The following INPP4B variants were observed in gnomAD, a reference collection of about 807,000 sequenced individuals.
INPP4B encodes the protein inositol polyphosphate-4-phosphatase type II B.
INPP4B carries 55 observed loss-of-function variants against 122.5 expected under a neutral mutation model. The observed-to-expected ratio is 0.45, with a 90% CI of 0.36 to 0.56. The LOEUF (loss-of-function observed/expected upper bound fraction) is 0.56, where lower values mean the gene tolerates loss of function less well. Ranked by LOEUF, INPP4B falls within the 20% of genes least tolerant of loss-of-function variation. INPP4B has a pLI of 0.00. For missense variants in INPP4B, 1,000 were observed against 1,097.7 expected (o/e 0.91, Z 1.26); for synonymous variants, 403 against 388.7 (o/e 1.04, Z -0.43).
At chr4:142,270,607 T>A in intron 10 of INPP4B, 56 bp downstream of exon 10, 1 of 1,211,700 alleles carries the variant, frequency 8.3e-7, no homozygotes, top group Non-Finnish European at 1.2e-6. Context: ...GACAGACATC[T>A]GGCAAAGCTG....
intron 17 of INPP4B, 54 bp from the exon 18 acceptor site, chr4:142,146,050 C>T (rs1274700110): frequency 1.3e-6 from 2 of 1,563,188 alleles, no homozygotes; most frequent in African/African-American, 1.4e-5. Flanking sequence ...CAAGATAAGG[C>T]AAAGTCGGAT....
At chr4:142,691,695 A>C (rs1760209202) in intron 2 of INPP4B, among the ~76,000 whole-genome samples, 1 of 152,088 alleles carries the variant, frequency 6.6e-6, no homozygotes, top group Admixed American at 6.6e-5. Flanking sequence ...GGAAACAGGG[A>C]GTGTGACATG....
intron 3 of INPP4B, among the ~76,000 whole-genome samples, chr4:142,447,941 G>A (rs1813265274): frequency 6.6e-6 from 1 of 152,010 alleles, no homozygotes; most frequent in Non-Finnish European, 1.5e-5. Flanking sequence ...AGAAGTGGAA[G>A]GTGAAAAAGA....
rs149950015 is a variant in INPP4B at position 142,340,096 on chromosome 4, C to A, written c.373-25334G>T. Among the ~76,000 whole-genome samples, 888 of 152,086 alleles carry A rather than the reference C, an allele frequency of 5.8e-3. 9 individuals are homozygous for A. The highest frequency in any genetic ancestry group is 0.02 in the African/African-American group (833 of 41,488). ...TCTCCAAACTGGGGTATATTTAATA[C>A]CACTAAAAGCACATCGCATGGAGAG... On this transcript the variant is annotated intron_variant, in intron 7 of 25. Transcript: ENST00000262992.
intron 14 of INPP4B, among the ~76,000 whole-genome samples, chr4:142,196,137 G>A (rs1414276724): frequency 6.6e-6 from 1 of 152,160 alleles, no homozygotes; most frequent in Non-Finnish European, 1.5e-5. Flanking sequence ...TCTAAATGAA[G>A]GAGTTTGTGT....
rs369605968 is a variant in INPP4B at position 142,208,507 on chromosome 4, G to A, written c.990C>T (p.Ser330=). The A allele has an allele frequency of 2.5e-6, 4 of 1,597,152 alleles. No individual in the cohort carries two copies. In the African/African-American group the frequency reaches 5.4e-5, roughly 22 times the overall value. ...ATTCTAATGTTTTCTCTCCTTTGCT[G>A]CTGCTTGATTTGAAAGAGGACCCTG... is the stretch of plus-strand genomic sequence containing the variant. The part of the protein sequence containing the change: ...KETGSSFKSS[S]SKGEKTLEFV... Residue 330 remains serine, a synonymous_variant, in exon 14 of 26, where the codon AGC becomes AGT. Transcript: ENST00000262992.
chr4:142,258,665 C>T (rs977438871), intron 11 of INPP4B, among the ~76,000 whole-genome samples: 6 of 152,134 alleles, frequency 3.9e-5, no homozygotes, highest in African/African-American at 1.2e-4. Flanking sequence ...TACCATCTCA[C>T]ACCAGTTAGA....
intron 2 of INPP4B, among the ~76,000 whole-genome samples, chr4:142,644,639 G>A (rs927296817): frequency 3.4e-5 from 5 of 149,204 alleles, no homozygotes; most frequent in African/African-American, 1.2e-4. Context: ...GCTCATGCCT[G>A]TAATCCCAGC....
chr4:142,665,627 A>C (rs914273868), intron 2 of INPP4B, among the ~76,000 whole-genome samples: 4 of 152,188 alleles, frequency 2.6e-5, no homozygotes, highest in Non-Finnish European at 4.4e-5. Context: ...AAAAAATGGA[A>C]ATAATGTAGT....
chr4:142,507,421 T>C (rs1056373093), intron 2 of INPP4B, among the ~76,000 whole-genome samples: 1 of 152,160 alleles, frequency 6.6e-6, no homozygotes, highest in African/African-American at 2.4e-5. Context: ...AGGGGACTAC[T>C]ATTTCTGCTT....
Position 142,237,952 on chromosome 4 carries a change from G to C in INPP4B, c.748C>G (p.Arg250Gly), listed in dbSNP as rs763155133. 4.5e-6 allele frequency: 7 copies of C among 1,571,866 alleles called. No individual in the cohort carries two copies. In the South Asian group the frequency reaches 6.8e-5, roughly 15 times the overall value. Residue 250 changes from arginine to glycine, a missense_variant, in exon 12 of 26, where the codon CGA (arginine) becomes GGA (glycine). Arg to Gly is a moderately radical substitution (Grantham distance 125). Transcript: ENST00000262992. ...CTCTCTGACATCTGCTCTCGAATTC[G>C]CATCCACTTATTGTCAGATGTGGGA... ...RFPTSDNKWM[R>G]IREQMSESIL...
At chr4:142,250,766 T>C (rs1346157787) in intron 11 of INPP4B, among the ~76,000 whole-genome samples, 1 of 152,144 alleles carries the variant, frequency 6.6e-6, no homozygotes, top group Non-Finnish European at 1.5e-5. Flanking sequence ...GTGGCAAATA[T>C]CCTAGGTTCT....
At chr4:142,191,482 G>A (rs1251862565) in intron 15 of INPP4B, among the ~76,000 whole-genome samples, 1 of 152,180 alleles carries the variant, frequency 6.6e-6, no homozygotes, top group Non-Finnish European at 1.5e-5. Flanking sequence ...GCAAAACCCT[G>A]TCTTCCACTC....
chr4:142,426,642 T>C (rs1340544447), intron 5 of INPP4B: 2 of 152,002 alleles, frequency 1.3e-5, no homozygotes, highest in South Asian at 2.1e-4. Flanking sequence ...CCTTACTTAT[T>C]TGAATAAGTA....
At chr4:142,784,408 T>TAAATAAATAAATAAAA (rs1554009430) in intron 1 of INPP4B, among the ~76,000 whole-genome samples, 1 of 133,374 alleles carries the variant, frequency 7.5e-6, no homozygotes, top group Non-Finnish European at 1.7e-5. Context: ...AATAAATAAA[T>TAAATAAATAAATAAAA]AAAAATTAAA....
Position 142,845,728 on chromosome 4 carries a change from CCGGCGG to C in INPP4B, c.-254+475_-254+480del, listed in dbSNP as rs78589959. On this transcript the variant is annotated intron_variant, in intron 1 of 25. Transcript: ENST00000262992. ...TATTCCTTAAGGACTTCTTCCCAGG[CCGGCGG>C]CGGCGGCGGCGGCGGCGGCGGCAGC... is the stretch of plus-strand genomic sequence containing the variant. 5.5e-4 allele frequency among the ~76,000 whole-genome samples: 84 copies of C among 151,438 alleles called. 1 individual carries two copies. Among genetic ancestry groups the C allele is most frequent in the South Asian group, 2.1e-3 (10 of 4,736 alleles).
intron 2 of INPP4B, among the ~76,000 whole-genome samples, chr4:142,579,879 GTAGATAGA>G (rs34007661): frequency 0.052 from 7,414 of 141,774 alleles, 215 homozygotes; most frequent in African/African-American, 0.058. Flanking sequence ...AGATAGGTAG[GTAGATAGA>G]TAGATAGATA....
intron 15 of INPP4B, among the ~76,000 whole-genome samples, chr4:142,183,770 C>A (rs1219091953): frequency 6.6e-6 from 1 of 152,130 alleles, no homozygotes; most frequent in Non-Finnish European, 1.5e-5. Context: ...AACGTAACTT[C>A]TAATTTACAG....
At chr4:142,431,069 G>A (rs1021791816) in intron 4 of INPP4B, 100 bp downstream of exon 4, 116 of 824,182 alleles carry the variant, frequency 1.4e-4, no homozygotes, top group Admixed American at 4.2e-4. Context: ...TAGAACCGAA[G>A]TTCCTATGAA....
Sources: allele counts gnomAD v4.1 joint callset (sites outside exome capture counted in the v4.1 genomes callset), GRCh38; gene constraint gnomAD v4.1.1; transcripts MANE v1.5; gene names NCBI Gene and HGNC (gene_info 2026-07-23, HGNC 2026-07-21).